Variants in GAK observed in about 807,000 individuals in gnomAD.
GAK encodes the protein cyclin G associated kinase.
Under a neutral mutation model 143.9 loss-of-function variants are expected in GAK, and 79 were observed. That is an observed-to-expected ratio of 0.55 (90% CI 0.46 to 0.66). GAK has a LOEUF of 0.66. Ranked by LOEUF, GAK falls within the 30% of genes least tolerant of loss-of-function variation. The pLI, the probability that GAK is intolerant of heterozygous loss-of-function variation, is 0.00. For synonymous variants in GAK, 881 were observed against 765.5 expected (o/e 1.15, Z -2.49); for missense variants, 1,693 against 1,779.7 (o/e 0.95, Z 0.88).
intron 1 of GAK, among the ~76,000 whole-genome samples, chr4:930,774 A>C (rs1725559529): frequency 6.6e-6 from 1 of 152,180 alleles, no homozygotes; most frequent in Non-Finnish European, 1.5e-5. Context: ...CTTTCTGACC[A>C]AATCATACCC....
At chr4:908,633 T>C (rs752728640) in intron 4 of GAK, among the ~76,000 whole-genome samples, 9 of 152,062 alleles carry the variant, frequency 5.9e-5, no homozygotes, top group Non-Finnish European at 1.3e-4. Context: ...AGTTTACTCT[T>C]TAAAATTAGC....
rs561526979 is a variant in GAK at position 893,729 on chromosome 4, C to G, written c.877+145G>C. ...CGGCAGGGGAGCTCTCTGGAAACCC[C>G]CCCCCCAGGGATGTTGTCAAAACTA... On this transcript the variant is annotated intron_variant, in intron 8 of 27. Transcript: ENST00000314167. 2.4e-4 allele frequency: 247 copies of G among 1,042,970 alleles called. 1 individual carries two copies. The South Asian group carries it at 3.7e-3, about 15-fold the overall frequency. 64.6% of individuals were successfully genotyped at this position (1,042,970 alleles called of 1,614,324 possible). A position where few individuals can be genotyped will look rare whatever the true frequency, so the allele number is the denominator to read the frequency against.
chr4:868,540 C>G lies in GAK; in HGVS notation c.2394G>C (p.Gln798His), dbSNP rs758592960. 5 of 1,605,754 alleles carry G rather than the reference C, an allele frequency of 3.1e-6. No individual in the cohort carries two copies. The highest frequency in any genetic ancestry group is 4.2e-6 in the Non-Finnish European group (5 of 1,178,522). ...GCCAGGTCCAGGGACGCTGCCTACC[C>G]TGCCAGTCCAGCGTGTGCAGGAAGC... is the stretch of plus-strand genomic sequence containing the variant. ...ASRFLHTLDW[Q>H]EEKEAETGAE... Residue 798 changes from glutamine (Q) to histidine (H), a missense_variant and splice_region_variant, in exon 20 of 28, where the codon CAG becomes CAC. Gln to His is a conservative substitution (Grantham distance 24, BLOSUM62 0). This residue lies in a region of GAK where 822 missense variants were observed against 788.7 expected (regional missense o/e 1.04). Transcript: ENST00000314167.
intron 9 of GAK, among the ~76,000 whole-genome samples, chr4:892,450 G>C (rs1167514794): frequency 1.3e-5 from 2 of 152,214 alleles, no homozygotes; most frequent in African/African-American, 4.8e-5. Flanking sequence ...TCTGGTGATG[G>C]AGATGCTGCA....
Position 850,934 on chromosome 4 carries a change from A to C in GAK, c.3657+2T>G. The C allele has an allele frequency of 6.2e-7, 1 of 1,610,876 alleles. No individual in the cohort carries two copies. Among genetic ancestry groups the C allele is most frequent in the South Asian group, 1.1e-5 (1 of 90,898 alleles). ...CCCAGGAAGAGCTGCCCACCCACCC[A>C]CCTTCAGCTTGAGTGGGTCCGTGTC... On this transcript the variant is annotated splice_donor_variant, in intron 26 of 27. Transcript: ENST00000314167. LOFTEE classifies it high-confidence loss of function.
intron 1 of GAK, among the ~76,000 whole-genome samples, chr4:925,776 C>T (rs372209327): frequency 5.9e-5 from 9 of 152,324 alleles, no homozygotes; most frequent in Admixed American, 2.0e-4. Context: ...GATCTGCCGG[C>T]GCCTTGCGCC....
In GAK at chr4:913,488, T is replaced by C. The variant is rs1453813347; in HGVS notation, c.207+119A>G. 5.0e-6 allele frequency: 4 copies of C among 796,048 alleles called. No homozygotes were observed. The African/African-American group carries it at 5.2e-5, about 10-fold the overall frequency. The allele number at this position is 796,048 out of a possible 1,614,324, so 49.3% of individuals were successfully genotyped here. The stretch of plus-strand genomic sequence containing the variant: ...TCAGCAGAAGCAAAAGGGACAAGTA[T>C]GTCCAGGCTGTAAAAGGAAACAAAG... On this transcript the variant is annotated intron_variant, in intron 2 of 27. Coordinates refer to ENST00000314167, the MANE Select transcript of GAK (RefSeq NM_005255.4).
intron 15 of GAK, among the ~76,000 whole-genome samples, chr4:881,324 G>A (rs1268066626): frequency 1.3e-5 from 2 of 152,192 alleles, no homozygotes; most frequent in African/African-American, 4.8e-5. Flanking sequence ...GGTCCTCATG[G>A]AGACCAAGGC....
At chr4:913,963 G>A in intron 1 of GAK, 2 of 265,450 alleles carry the variant, frequency 7.5e-6, no homozygotes, top group Non-Finnish European at 1.3e-5. Flanking sequence ...CACAGCCCCA[G>A]CGTGCACGGC....
At chr4:920,539 A>ATTTTTTTTTTTTTTTTTTTTTTT (rs34176109) in intron 1 of GAK, among the ~76,000 whole-genome samples, 2 of 129,592 alleles carry the variant, frequency 1.5e-5, no homozygotes, top group African/African-American at 3.0e-5. Context: ...GTTTAGAGCC[A>ATTTTTTTTTTTTTTTTTTTTTTT]TTTTTTTTTT....
intron 23 of GAK, among the ~76,000 whole-genome samples, chr4:863,644 T>A (rs1750663846): frequency 6.6e-6 from 1 of 152,208 alleles, no homozygotes; most frequent in South Asian, 2.1e-4. Flanking sequence ...ACCAGCAAGA[T>A]CAGGATCGTT....
At position 922,913 on chromosome 4, in the gene GAK, C is replaced by T. The variant is rs149219412; in HGVS notation, c.145+9130G>A. 1.1e-3 allele frequency among the ~76,000 whole-genome samples: 171 copies of T among 152,344 alleles called. 1 individual carries two copies. Among genetic ancestry groups the T allele is most frequent in the African/African-American group, 1.7e-3 (72 of 41,582 alleles). ...AGGAAACAGCCCAGATGTCCTTCCA[C>T]GGGTGGCTGGCTGGGCAAGCCGTGC... is the stretch of plus-strand genomic sequence containing the variant. On this transcript the variant is annotated intron_variant, in intron 1 of 27. Coordinates refer to ENST00000314167, the MANE Select transcript of GAK (RefSeq NM_005255.4).
At chr4:885,178 C>T (rs544306301) in intron 11 of GAK, among the ~76,000 whole-genome samples, 5 of 152,214 alleles carry the variant, frequency 3.3e-5, no homozygotes, top group South Asian at 4.1e-4. Flanking sequence ...CAAGGGAAGA[C>T]GGGGAGGCAC....
chr4:867,268 C>T lies in GAK; in HGVS notation c.2560G>A (p.Ala854Thr). 6.2e-7 allele frequency: 1 copy of T among 1,613,224 alleles called. No homozygotes were observed. The highest frequency in any genetic ancestry group is 8.5e-7 in the Non-Finnish European group (1 of 1,179,626). ...ACCAAGTCCTGCTGCACCAGCCCTG[C>T]TGCCAGGCCGGGGGGCTCTGGGTCG... is the stretch of plus-strand genomic sequence containing the variant. ...RADPEPPGLA[A>T]GLVQQDLVFE... Residue 854 changes from alanine to threonine, a missense_variant, in exon 21 of 28, where the codon GCA becomes ACA. Coordinates refer to ENST00000314167, the MANE Select transcript of GAK (RefSeq NM_005255.4).
chr4:866,463 C>A lies in GAK; in HGVS notation c.2944G>T (p.Gly982Cys). The change falls in exon 22 of 28, where the codon GGC becomes TGC. Residue 982 changes from glycine to cysteine, a missense_variant. Gly to Cys is a radical substitution (Grantham distance 159, BLOSUM62 -3). Around this residue, in one of 2 missense-constraint regions of GAK, gnomAD observed 822 missense variants for 788.7 expected, o/e 1.04. Transcript: ENST00000314167. ...ACAGAGTCCGAATTGAGAAATTCGC[C>A]GAAGAGATCAGGATTGGAGCAGGGC... ...SQPCSNPDLFGEFLNSDSVTV... is the reference protein window; with the variant it reads ...SQPCSNPDLFCEFLNSDSVTV... The A allele has an allele frequency of 6.2e-7, 1 of 1,614,062 alleles. No homozygotes were observed. Among genetic ancestry groups the A allele is most frequent in the South Asian group, 1.1e-5 (1 of 91,076 alleles).
At chr4:910,795 G>A (rs903483316) in intron 4 of GAK, among the ~76,000 whole-genome samples, 6 of 151,852 alleles carry the variant, frequency 4.0e-5, no homozygotes, top group South Asian at 4.2e-4. Flanking sequence ...CCCCCTCACC[G>A]GCCAGGCCAC....
intron 11 of GAK, chr4:886,701 T>C (rs921946221): frequency 6.6e-6 from 1 of 152,242 alleles, no homozygotes; most frequent in African/African-American, 2.4e-5. Context: ...GGTCCATGGC[T>C]AGCCCTGCTG....
chr4:867,264 C>A lies in GAK; in HGVS notation c.2564G>T (p.Gly855Val). ...AAAAACCAAGTCCTGCTGCACCAGC[C>A]CTGCTGCCAGGCCGGGGGGCTCTGG... The part of the protein sequence containing the change: ...ADPEPPGLAA[G>V]LVQQDLVFEV... Residue 855 changes from glycine (G) to valine (V), a missense_variant, in exon 21 of 28, where the codon GGG (glycine) becomes GTG (valine). Physicochemically the swap from Gly to Val is moderately radical, Grantham distance 109. This residue lies in a region of GAK where 822 missense variants were observed against 788.7 expected (regional missense o/e 1.04). Transcript: ENST00000314167. The A allele has an allele frequency of 6.2e-7, 1 of 1,613,268 alleles. No homozygotes were observed. The highest frequency in any genetic ancestry group is 8.5e-7 in the Non-Finnish European group (1 of 1,179,664).
At chr4:912,257 G>A (rs1721752581) in intron 3 of GAK, 5 of 434,306 alleles carry the variant, frequency 1.2e-5, no homozygotes, top group Middle Eastern at 6.8e-4. Context: ...GCAGTGGACA[G>A]GGAGTGCAGC....
Sources: gnomAD v4.1 joint callset for allele counts (sites outside exome capture counted in the v4.1 genomes callset) on GRCh38, gnomAD v4.1.1 for gene constraint, gnomAD v4.1.1 regional missense constraint, MANE v1.5 for transcripts, NCBI Gene and HGNC (gene_info 2026-07-23, HGNC 2026-07-21) for gene names.